The following MME variants were observed in gnomAD, a reference collection of about 807,000 sequenced individuals.
MME encodes the protein membrane metalloendopeptidase.
MME carries 98 observed loss-of-function variants against 113.2 expected under a neutral mutation model. That is an observed-to-expected ratio of 0.87 (90% CI 0.74 to 1.02). The LOEUF (loss-of-function observed/expected upper bound fraction) is 1.02, where lower values mean the gene tolerates loss of function less well. Ranked by LOEUF, MME falls within the 50% of genes least tolerant of loss-of-function variation. The pLI is 0.00. For synonymous variants in MME, 292 were observed against 300.6 expected (o/e 0.97, Z 0.30); for missense variants, 836 against 896.0 (o/e 0.93, Z 0.86).
chr3:155,059,580 C>G (rs536892557), intron 1 of MME, among the ~76,000 whole-genome samples: 3 of 152,174 alleles, frequency 2.0e-5, no homozygotes, highest in East Asian at 1.9e-4. Context: ...AAGCTATTAA[C>G]CACTATATTT....
Position 155,086,792 on chromosome 3 carries a change from G to T in MME, c.196+1698G>T, listed in dbSNP as rs112990159. Among the ~76,000 whole-genome samples the T allele has an allele frequency of 4.1e-3, 616 of 151,914 alleles. 4 individuals carry two copies. Among genetic ancestry groups the T allele is most frequent in the African/African-American group, 0.014 (578 of 41,438 alleles). On this transcript the variant is annotated intron_variant, in intron 3 of 22. Coordinates refer to ENST00000360490, the MANE Select transcript of MME (RefSeq NM_007289.4). ...AAATAATTTTAACCATTTTCTGCTG[G>T]ATATTTTTAATTTTATTTATTTATT...
intron 1 of MME, among the ~76,000 whole-genome samples, chr3:155,063,059 G>C (rs540435807): frequency 1.8e-4 from 25 of 140,272 alleles, no homozygotes; most frequent in Non-Finnish European, 2.6e-4. Flanking sequence ...AGAAAGGAAA[G>C]AACTACGTCA....
intron 16 of MME, among the ~76,000 whole-genome samples, chr3:155,149,337 A>G (rs1337618812): frequency 5.9e-5 from 9 of 152,150 alleles, no homozygotes. Context: ...GCCCCTAGAC[A>G]ACAGGGGCTA....
In MME at chr3:155,116,500, C is replaced by G; in HGVS notation, c.380C>G (p.Thr127Ser). 6.2e-7 allele frequency: 1 copy of G among 1,612,026 alleles called. No individual in the cohort carries two copies. The highest frequency in any genetic ancestry group is 8.5e-7 in the Non-Finnish European group (1 of 1,178,582). ...TCAGATGTCCTTCAAGAACCCAAAACTGAAGATATAGTAGCAGTGCAGAAA... is the reference window on the plus strand; with the variant it reads ...TCAGATGTCCTTCAAGAACCCAAAAGTGAAGATATAGTAGCAGTGCAGAAA... ...VLKDVLQEPK[T>S]EDIVAVQKAK... Residue 127 changes from threonine to serine, a missense_variant, in exon 5 of 23, where the codon ACT becomes AGT. Physicochemically the swap from Thr to Ser is moderately conservative, Grantham distance 58. Coordinates refer to ENST00000360490, the MANE Select transcript of MME (RefSeq NM_007289.4).
chr3:155,116,766 C>A lies in MME; in HGVS notation c.535+7C>A. 6.2e-7 allele frequency: 1 copy of A among 1,609,134 alleles called. No individual in the cohort carries two copies. Among genetic ancestry groups the A allele is most frequent in the Non-Finnish European group, 8.5e-7 (1 of 1,175,856 alleles). Reference sequence around the variant, plus strand: ...AACTGGGAGCAAAAATATGGTAAGGCAATTTTCCTACTAAAAAAGAAATTT... The same window carrying A: ...AACTGGGAGCAAAAATATGGTAAGGAAATTTTCCTACTAAAAAAGAAATTT... On this transcript the variant is annotated splice_region_variant and intron_variant, in intron 6 of 22. Transcript: ENST00000360490.
intron 3 of MME, among the ~76,000 whole-genome samples, chr3:155,104,774 T>C (rs1717554183): frequency 6.6e-6 from 1 of 152,216 alleles, no homozygotes; most frequent in East Asian, 1.9e-4. Flanking sequence ...TGACCTTCTA[T>C]AGCTTTAGTT....
At chr3:155,106,812 C>G (rs3773898) in intron 3 of MME, among the ~76,000 whole-genome samples, 21,411 of 152,168 alleles carry the variant, frequency 0.14, 1,527 homozygotes, top group Non-Finnish European at 0.16. Context: ...ACAGAAGGTT[C>G]GGTCAGAAAT....
At chr3:155,045,030 C>G (rs1459465888) in intron 1 of MME, among the ~76,000 whole-genome samples, 1 of 151,544 alleles carries the variant, frequency 6.6e-6, no homozygotes, top group Admixed American at 6.6e-5. Context: ...CACTGAGATA[C>G]TTTAAATCGG....
At chr3:155,169,593 C>T (rs553389692) in intron 20 of MME, among the ~76,000 whole-genome samples, 1 of 152,144 alleles carries the variant, frequency 6.6e-6, no homozygotes, top group South Asian at 2.1e-4. Context: ...TAGGAAGCAA[C>T]AAAAAGGAAT....
intron 16 of MME, among the ~76,000 whole-genome samples, chr3:155,151,261 G>A (rs1351593877): frequency 6.6e-6 from 1 of 152,152 alleles, no homozygotes; most frequent in Non-Finnish European, 1.5e-5. Flanking sequence ...CCAAAGTCTT[G>A]AAAGAGAAAT....
intron 9 of MME, 132 bp downstream of exon 9, chr3:155,138,368 G>C: frequency 1.1e-6 from 1 of 870,666 alleles, no homozygotes. Context: ...CTTGGTAATA[G>C]ATCATTGACT....
intron 1 of MME, among the ~76,000 whole-genome samples, chr3:155,055,252 C>T (rs907641008): frequency 6.6e-6 from 1 of 152,088 alleles, no homozygotes; most frequent in Admixed American, 6.6e-5. Flanking sequence ...CTACACACAA[C>T]AATATGCTAA....
At chr3:155,037,158 A>G (rs1275123429) in intron 1 of MME, among the ~76,000 whole-genome samples, 1 of 152,190 alleles carries the variant, frequency 6.6e-6, no homozygotes, top group Non-Finnish European at 1.5e-5. Context: ...ACCCTCTAGT[A>G]AGTGGCAATG....
intron 16 of MME, among the ~76,000 whole-genome samples, chr3:155,149,214 T>C (rs1426784368): frequency 1.3e-5 from 2 of 152,198 alleles, no homozygotes; most frequent in South Asian, 2.1e-4. Flanking sequence ...ACTATTAGTT[T>C]AGATTTTATT....
In MME at chr3:155,147,206, G is replaced by T. The variant is rs1203635074; in HGVS notation, c.1479G>T (p.Leu493=). The part of the protein sequence containing the change: ...PDDIVSNDNK[L]NNEYLELNYK... ...ACATTGTTTCAAATGATAACAAACT[G>T]AATAATGAGTACCTCGAGGTAAGTC... The change falls in exon 15 of 23, where the codon CTG becomes CTT. Residue 493 remains leucine, a synonymous_variant. Coordinates refer to ENST00000360490, the MANE Select transcript of MME (RefSeq NM_007289.4). 2 of 1,602,332 alleles carry T rather than the reference G, an allele frequency of 1.2e-6. No individual in the cohort carries two copies. Among genetic ancestry groups the T allele is most frequent in the Admixed American group, 1.7e-5 (1 of 59,918 alleles).
At position 155,122,045 on chromosome 3, in the gene MME, C is replaced by T. The variant is rs1719191317; in HGVS notation, c.720+3234C>T. ...GAATTCGGCTGTGAATCCATCTGGTCCTGGACTCTTTTTGGTTGGTAAACT... is the reference window on the plus strand; with the variant it reads ...GAATTCGGCTGTGAATCCATCTGGTTCTGGACTCTTTTTGGTTGGTAAACT... On this transcript the variant is annotated intron_variant, in intron 8 of 22. Transcript: ENST00000360490. Among the ~76,000 whole-genome samples, 5 of 114,840 alleles carry T rather than the reference C, an allele frequency of 4.4e-5. No individual in the cohort carries two copies. The Admixed American group carries it at 4.7e-4, about 11-fold the overall frequency. 75.3% of individuals were successfully genotyped at this position (114,840 alleles called of 152,430 possible).
chr3:155,100,401 A>T (rs1459504345), intron 3 of MME, among the ~76,000 whole-genome samples: 2 of 152,216 alleles, frequency 1.3e-5, no homozygotes, highest in Non-Finnish European at 2.9e-5. Context: ...GTCAAGAAAC[A>T]ACAGGTGCTG....
intron 22 of MME, among the ~76,000 whole-genome samples, chr3:155,178,365 A>T (rs1039599635): frequency 6.6e-6 from 1 of 152,206 alleles, no homozygotes; most frequent in African/African-American, 2.4e-5. Flanking sequence ...CTTACAAAAA[A>T]TCCATATGGA....
At chr3:155,101,090 A>G (rs746728823) in intron 3 of MME, among the ~76,000 whole-genome samples, 16 of 151,260 alleles carry the variant, frequency 1.1e-4, no homozygotes, top group Non-Finnish European at 2.1e-4. Flanking sequence ...CCCCCCACCC[A>G]CTCTCTTCCT....
Sources: gnomAD v4.1 joint callset for allele counts (sites outside exome capture counted in the v4.1 genomes callset) on GRCh38, gnomAD v4.1.1 for gene constraint, MANE v1.5 for transcripts, NCBI Gene and HGNC (gene_info 2026-07-23, HGNC 2026-07-21) for gene names.